ADAMTSL3: variants seen among roughly 807,000 people sequenced by gnomAD.
ADAMTSL3 encodes the protein ADAMTS-like protein 3.
ADAMTSL3 carries 128 observed loss-of-function variants against 201.7 expected under a neutral mutation model. The ratio of observed to expected loss-of-function variants is 0.63; its 90% CI spans 0.55 to 0.73. The LOEUF (loss-of-function observed/expected upper bound fraction) is 0.73. Among genes scored for constraint, ADAMTSL3 ranks in the 30% least tolerant of loss-of-function variants. The pLI is 0.00. For missense variants in ADAMTSL3, 1,990 were observed against 2,119.6 expected, an observed-to-expected ratio of 0.94 and a Z score of 1.20; for synonymous variants, 738 against 748.4, an observed-to-expected ratio of 0.99 and a Z score of 0.23.
chr15:83,676,560 C>T lies in ADAMTSL3; in HGVS notation c.69+20730C>T, dbSNP rs565772148. ...GGGCTTGGTGGTGGGCGCCTGTAGTCCCAGCTACTCAGGAGGCTGAGGCAG... is the reference window on the plus strand; with the variant it reads ...GGGCTTGGTGGTGGGCGCCTGTAGTTCCAGCTACTCAGGAGGCTGAGGCAG... On this transcript the variant is annotated intron_variant, in intron 2 of 29. Transcript: ENST00000286744. Among the ~76,000 whole-genome samples the T allele has an allele frequency of 3.3e-3, 506 of 152,186 alleles. 6 individuals are homozygous for T. The highest frequency in any genetic ancestry group is 5.4e-3 in the Non-Finnish European group (365 of 68,020).
At chr15:83,881,467 T>G (rs1265340264) in intron 9 of ADAMTSL3, among the ~76,000 whole-genome samples, 1 of 152,206 alleles carries the variant, frequency 6.6e-6, no homozygotes, top group African/African-American at 2.4e-5. Context: ...CATGCCAAAT[T>G]TGCTCACATT....
At chr15:83,726,386 T>A (rs1238556431) in intron 3 of ADAMTSL3, among the ~76,000 whole-genome samples, 1 of 152,142 alleles carries the variant, frequency 6.6e-6, no homozygotes, top group East Asian at 1.9e-4. Flanking sequence ...TGCCGTTTAT[T>A]TATTTCTCTG....
In ADAMTSL3 at chr15:83,819,952, G is replaced by C. The variant is rs768495645; in HGVS notation, c.505G>C (p.Gly169Arg). ...GTGTGCACTCAAGTGTCATGCACAA[G>C]GACAAAACTTGGTGGTGGAGCTGGC... ...APCALKCHAQ[G>R]QNLVVELAPK... Residue 169 changes from glycine to arginine, a missense_variant, in exon 6 of 30, where the codon GGA (glycine) becomes CGA (arginine). Physicochemically the swap from Gly to Arg is moderately radical, Grantham distance 125. Transcript: ENST00000286744. 46 of 1,614,052 alleles carry C rather than the reference G, an allele frequency of 2.8e-5. 1 individual carries two copies. Among genetic ancestry groups the C allele is most frequent in the Non-Finnish European group, 3.8e-5 (45 of 1,180,030 alleles).
chr15:83,772,834 T>C (rs2063006731), intron 3 of ADAMTSL3, among the ~76,000 whole-genome samples: 1 of 152,026 alleles, frequency 6.6e-6, no homozygotes, highest in Non-Finnish European at 1.5e-5. Context: ...GCCTCCCGAG[T>C]AGCTGGGATT....
intron 9 of ADAMTSL3, among the ~76,000 whole-genome samples, chr15:83,876,295 C>A (rs1030796382): frequency 2.0e-5 from 3 of 152,006 alleles, no homozygotes; most frequent in Non-Finnish European, 4.4e-5. Flanking sequence ...CTAACAACTA[C>A]ATTTTTGTTT....
At chr15:84,023,394 T>A (rs2068240702) in intron 26 of ADAMTSL3, among the ~76,000 whole-genome samples, 1 of 152,190 alleles carries the variant, frequency 6.6e-6, no homozygotes, top group Admixed American at 6.5e-5. Flanking sequence ...CCACACTAGA[T>A]CCAGTCTCTA....
chr15:83,954,705 CTG>C (rs1391903950), intron 19 of ADAMTSL3, among the ~76,000 whole-genome samples: 13 of 152,384 alleles, frequency 8.5e-5, no homozygotes, highest in African/African-American at 3.1e-4. Flanking sequence ...CCCAGTAACA[CTG>C]TGCTTCATGC....
At chr15:83,848,345 G>A (rs536580914) in intron 7 of ADAMTSL3, among the ~76,000 whole-genome samples, 1 of 152,200 alleles carries the variant, frequency 6.6e-6, no homozygotes, top group Admixed American at 6.5e-5. Context: ...ATAAATTACA[G>A]TGCTTCTGGG....
intron 3 of ADAMTSL3, among the ~76,000 whole-genome samples, chr15:83,763,799 C>A (rs1267213413): frequency 2.6e-5 from 4 of 152,242 alleles, no homozygotes; most frequent in African/African-American, 9.6e-5. Context: ...GCCACCGCAC[C>A]CGGCCTAAGA....
At chr15:83,895,088 A>G (rs1409520706) in intron 13 of ADAMTSL3, among the ~76,000 whole-genome samples, 4 of 152,196 alleles carry the variant, frequency 2.6e-5, no homozygotes, top group Admixed American at 6.5e-5. Context: ...ACATAAATCA[A>G]TAGACCGGGA....
At chr15:84,020,994 C>T (rs1337174565) in intron 25 of ADAMTSL3, among the ~76,000 whole-genome samples, 1 of 152,234 alleles carries the variant, frequency 6.6e-6, no homozygotes, top group Non-Finnish European at 1.5e-5. Flanking sequence ...AATCATCTTT[C>T]ATTTCTCTGC....
At chr15:83,744,691 ATTTAT>A (rs892998495) in intron 3 of ADAMTSL3, among the ~76,000 whole-genome samples, 3 of 152,138 alleles carry the variant, frequency 2.0e-5, no homozygotes, top group Non-Finnish European at 4.4e-5. Flanking sequence ...GAGCTCTTGA[ATTTAT>A]TTTACCTATC....
In ADAMTSL3 at chr15:83,961,708, C is replaced by G. The variant is rs963656307; in HGVS notation, c.2491-8776C>G. 2.6e-5 allele frequency: 4 copies of G among 152,222 alleles called. No individual in the cohort carries two copies. The South Asian group carries it at 6.2e-4, about 24-fold the overall frequency. The allele number at this position is 152,222 out of a possible 1,614,324, so 9.4% of individuals were successfully genotyped here. On this transcript the variant is annotated intron_variant, in intron 19 of 29. Coordinates refer to ENST00000286744, the MANE Select transcript of ADAMTSL3 (RefSeq NM_207517.3). ...CAGAGAGGCAGTCAGAGAATACTGT[C>G]TGATAAGCCCTTGAAAAAGCTGTAG...
At chr15:84,016,971 A>C (rs570726537) in intron 25 of ADAMTSL3, among the ~76,000 whole-genome samples, 1 of 152,340 alleles carries the variant, frequency 6.6e-6, no homozygotes, top group Admixed American at 6.5e-5. Context: ...AGGCCAAGGG[A>C]TCAAGGCAGA....
intron 16 of ADAMTSL3, among the ~76,000 whole-genome samples, chr15:83,919,487 G>A (rs1421734494): frequency 2.0e-5 from 3 of 152,122 alleles, no homozygotes; most frequent in African/African-American, 7.2e-5. Context: ...AAGCCACTGG[G>A]GACTTAAGGA....
At chr15:83,979,429 T>G (rs2067346752) in intron 20 of ADAMTSL3, among the ~76,000 whole-genome samples, 1 of 152,226 alleles carries the variant, frequency 6.6e-6, no homozygotes, top group Non-Finnish European at 1.5e-5. Flanking sequence ...ATACCTTGCC[T>G]TGTTACAATA....
chr15:83,746,034 C>T (rs2062541204), intron 3 of ADAMTSL3, among the ~76,000 whole-genome samples: 1 of 152,100 alleles, frequency 6.6e-6, no homozygotes, highest in African/African-American at 2.4e-5. Context: ...GACAGTGGCT[C>T]AGTGATGCTC....
intron 16 of ADAMTSL3, among the ~76,000 whole-genome samples, chr15:83,919,081 A>G (rs11259937): frequency 0.63 from 95,358 of 151,992 alleles, 31,004 homozygotes; most frequent in African/African-American, 0.79. Context: ...TTCATTTGTG[A>G]ACATAATGCT....
chr15:83,700,756 T>C (rs1473098323), intron 2 of ADAMTSL3, among the ~76,000 whole-genome samples: 4 of 152,140 alleles, frequency 2.6e-5, no homozygotes, highest in African/African-American at 9.7e-5. Flanking sequence ...AGAGCAAGAC[T>C]CCGTCTAAAA....
Sources: gnomAD v4.1 joint callset for allele counts (sites outside exome capture counted in the v4.1 genomes callset) on GRCh38, gnomAD v4.1.1 for gene constraint, MANE v1.5 for transcripts, NCBI Gene and HGNC (gene_info 2026-07-23, HGNC 2026-07-21) for gene names.